Variants in DAB2IP observed in about 807,000 individuals in gnomAD.
DAB2IP encodes the protein disabled homolog 2-interacting protein.
DAB2IP carries 28 observed loss-of-function variants against 107.2 expected under a neutral mutation model. That is an observed-to-expected ratio of 0.26 (90% CI 0.19 to 0.36). DAB2IP has a LOEUF of 0.36. Ranked by LOEUF, DAB2IP falls within the 10% of genes least tolerant of loss-of-function variation. DAB2IP has a pLI of 1.00. For missense variants in DAB2IP, 1,400 were observed against 1,644.7 expected, an observed-to-expected ratio of 0.85 and a Z score of 2.57; for synonymous variants, 755 against 706.4, an observed-to-expected ratio of 1.07 and a Z score of -1.09.
chr9:121,693,816 G>A lies in DAB2IP; in HGVS notation c.229-5509G>A, dbSNP rs555340736. ...ATGCTGGGCTTGGGGGAAGGAACCC[G>A]CCCTTGATTGAGCACCTACTATGTG... On this transcript the variant is annotated intron_variant, in intron 2 of 15. Coordinates refer to ENST00000408936, the Ensembl canonical transcript of DAB2IP. 5.9e-5 allele frequency among the ~76,000 whole-genome samples: 9 copies of A among 152,344 alleles called. No homozygotes were observed. In the East Asian group the frequency reaches 9.6e-4, roughly 16 times the overall value.
intron 3 of DAB2IP, among the ~76,000 whole-genome samples, chr9:121,727,574 G>C (rs10985364): frequency 7.0e-4 from 106 of 152,166 alleles, no homozygotes; most frequent in Non-Finnish European, 1.3e-3. Context: ...CCCAACAGGA[G>C]AGCCTGTTTG....
chr9:121,699,511 C>T lies in DAB2IP; in HGVS notation c.362+53C>T, dbSNP rs1322665391. 8.2e-7 allele frequency: 1 copy of T among 1,213,332 alleles called. No homozygotes were observed. The highest frequency in any genetic ancestry group is 3.2e-5 in the South Asian group (1 of 31,066). The allele number at this position is 1,213,332 out of a possible 1,614,324, so 75.2% of individuals were successfully genotyped here. A position where few individuals can be genotyped will look rare whatever the true frequency, so the allele number is the denominator to read the frequency against. The stretch of plus-strand genomic sequence containing the variant: ...CCGCGCCGCCGCCCCGGGCTGCGCC[C>T]CTGAGGACGCGGGGACAAAGCGCGA... On this transcript the variant is annotated intron_variant, in intron 3 of 15. Transcript: ENST00000408936. This position sits in a 1 kb window ranked among gnomAD's most constrained non-coding sequence, Gnocchi z 6.2.
At chr9:121,594,235 ATTTTTTTTTT>A (rs772152487) in intron 1 of DAB2IP, among the ~76,000 whole-genome samples, 1 of 131,170 alleles carries the variant, frequency 7.6e-6, no homozygotes. Context: ...TGAATGCAGC[ATTTTTTTTTT>A]TTTTTTTTGG....
intron 1 of DAB2IP, among the ~76,000 whole-genome samples, chr9:121,572,226 C>T (rs1829961324): frequency 6.6e-6 from 1 of 152,110 alleles, no homozygotes; most frequent in Non-Finnish European, 1.5e-5. Context: ...ACCAGGACAG[C>T]TCCTGGTGCT....
chr9:121,678,990 C>G, intron 2 of DAB2IP: 1 of 465,894 alleles, frequency 2.1e-6, no homozygotes, highest in Non-Finnish European at 3.7e-6. Context: ...GGGGTCCCAT[C>G]CTGAGAGGGA....
At chr9:121,703,998 CAT>C (rs1175112807) in intron 3 of DAB2IP, among the ~76,000 whole-genome samples, 8 of 152,330 alleles carry the variant, frequency 5.3e-5, no homozygotes, top group African/African-American at 9.6e-5. Context: ...GCAAAGCTCT[CAT>C]GTGTGTTTTA....
rs879241146 is a variant in DAB2IP, at chr9:121,633,007, C to T, written c.41-45671C>T. 1.3e-5 allele frequency among the ~76,000 whole-genome samples: 2 copies of T among 152,350 alleles called. No individual in the cohort carries two copies. Among genetic ancestry groups the T allele is most frequent in the Admixed American group, 1.3e-4 (2 of 15,304 alleles). On this transcript the variant is annotated intron_variant, in intron 1 of 16. Transcript: ENST00000259371. The surrounding 1 kb of genome is among the most constrained non-coding windows in gnomAD (Gnocchi z 5.1). ...CTCCCCAACCCTGCTCAGCTTCCCTCTCTCCCAGACTGAGGGGTTCCAGCT... is the reference window on the plus strand; with the variant it reads ...CTCCCCAACCCTGCTCAGCTTCCCTTTCTCCCAGACTGAGGGGTTCCAGCT...
chr9:121,776,339 C>T lies in DAB2IP; in HGVS notation c.3262C>T (p.Leu1088=), dbSNP rs1271685753. ...ACGGCTGGAGGAGGGCGAGGAGCGGCTGCGGCGGCAGCAGGAGGACAAGGA... is the reference window on the plus strand; with the variant it reads ...ACGGCTGGAGGAGGGCGAGGAGCGGTTGCGGCGGCAGCAGGAGGACAAGGA... Residue 1088 remains leucine, a synonymous_variant, in exon 14 of 16, where the codon CTG becomes TTG. Transcript: ENST00000408936. This position sits in a 1 kb window ranked among gnomAD's most constrained non-coding sequence, Gnocchi z 5.4. 6.4e-7 allele frequency: 1 copy of T among 1,555,508 alleles called. No individual in the cohort carries two copies. Among genetic ancestry groups the T allele is most frequent in the Non-Finnish European group, 8.7e-7 (1 of 1,149,458 alleles).
chr9:121,637,599 C>T (rs1832133861), intron 1 of DAB2IP, among the ~76,000 whole-genome samples: 2 of 152,172 alleles, frequency 1.3e-5, no homozygotes, highest in Admixed American at 1.3e-4. Context: ...GATTGGGACC[C>T]TGCCCAGTTA....
chr9:121,590,657 A>G (rs73661764), intron 1 of DAB2IP, among the ~76,000 whole-genome samples: 3,391 of 152,280 alleles, frequency 0.022, 123 homozygotes, highest in African/African-American at 0.077. Context: ...ATTCATAGCA[A>G]CGGGCAGAAA....
At chr9:121,613,925 A>G (rs1336666319) in intron 1 of DAB2IP, among the ~76,000 whole-genome samples, 1 of 152,170 alleles carries the variant, frequency 6.6e-6, no homozygotes, top group African/African-American at 2.4e-5. Flanking sequence ...GCAGCTTGAT[A>G]GTGTTGATGG....
At chr9:121,694,035 G>A (rs78946274) in intron 2 of DAB2IP, among the ~76,000 whole-genome samples, 8,345 of 152,178 alleles carry the variant, frequency 0.055, 523 homozygotes, top group African/African-American at 0.14. Context: ...CCTGGGGGTG[G>A]GAAGCCTCCA....
intron 1 of DAB2IP, among the ~76,000 whole-genome samples, chr9:121,619,613 G>A (rs1466117141): frequency 6.6e-6 from 1 of 152,218 alleles, no homozygotes; most frequent in Non-Finnish European, 1.5e-5. Flanking sequence ...AGGAGATGTT[G>A]GAAAAGGAGG....
chr9:121,744,911 C>G (rs977494668), intron 3 of DAB2IP, among the ~76,000 whole-genome samples: 1 of 152,158 alleles, frequency 6.6e-6, no homozygotes, highest in Non-Finnish European at 1.5e-5. Flanking sequence ...ACCCCTTGAG[C>G]AGAGGCGTGC....
chr9:121,697,071 A>C (rs1482850085), intron 2 of DAB2IP, among the ~76,000 whole-genome samples: 3 of 152,124 alleles, frequency 2.0e-5, no homozygotes, highest in Non-Finnish European at 4.4e-5. Flanking sequence ...TGGGGGAGTT[A>C]CCATTCTGAG....
chr9:121,773,441 C>A, exon 12 of DAB2IP: 1 of 1,546,024 alleles, frequency 6.5e-7, no homozygotes, highest in Non-Finnish European at 8.7e-7. Flanking sequence ...GGCAGCAGTC[C>A]TCTTCCTCCA....
At chr9:121,767,724 G>A (rs1179344428) in intron 9 of DAB2IP, among the ~76,000 whole-genome samples, 1 of 152,254 alleles carries the variant, frequency 6.6e-6, no homozygotes, top group East Asian at 1.9e-4. Context: ...ATGGGTTGGA[G>A]GGAGCAGGAT....
At chr9:121,661,539 G>A (rs1833202717) in intron 1 of DAB2IP, among the ~76,000 whole-genome samples, 1 of 152,128 alleles carries the variant, frequency 6.6e-6, no homozygotes, top group Admixed American at 6.5e-5. Context: ...GGAAGGGCCG[G>A]TTTTACTAGC....
chr9:121,783,556 C>T (rs1835807226), exon 16 of DAB2IP: 7 of 1,614,064 alleles, frequency 4.3e-6, no homozygotes, highest in Non-Finnish European at 5.9e-6. Flanking sequence ...AAACAAAAGC[C>T]CGCTTGCTCG....
Sources: allele counts gnomAD v4.1 joint callset (sites outside exome capture counted in the v4.1 genomes callset), GRCh38; gene constraint gnomAD v4.1.1; non-coding constraint Gnocchi (gnomAD v3.1); transcripts MANE v1.5; gene names NCBI Gene and HGNC (gene_info 2026-07-23, HGNC 2026-07-21).